The following DNER variants were observed in gnomAD, a reference collection of about 807,000 sequenced individuals.
DNER encodes the protein delta and Notch-like epidermal growth factor-related receptor.
In DNER, 33 loss-of-function variants were observed where a neutral mutation model predicts 78.2. That is an observed-to-expected ratio of 0.42 (90% CI 0.32 to 0.56). The LOEUF is 0.56. Ranked by LOEUF, DNER falls within the 20% of genes least tolerant of loss-of-function variation. DNER has a pLI of 0.11. For missense variants in DNER, 918 were observed against 975.3 expected (o/e 0.94, Z 0.78); for synonymous variants, 417 against 384.8 (o/e 1.08, Z -0.98).
chr2:229,429,130 G>T (rs1424968282), intron 8 of DNER, among the ~76,000 whole-genome samples: 1 of 152,158 alleles, frequency 6.6e-6, no homozygotes, highest in Non-Finnish European at 1.5e-5. Flanking sequence ...GAGCATATGG[G>T]GGCTGGGGGT....
At chr2:229,377,798 A>G (rs1288816697) in intron 11 of DNER, among the ~76,000 whole-genome samples, 1 of 152,222 alleles carries the variant, frequency 6.6e-6, no homozygotes, top group African/African-American at 2.4e-5. Flanking sequence ...TTTAAGAACA[A>G]AGAGAGAGGA....
chr2:229,551,508 C>A (rs541390217), intron 4 of DNER, among the ~76,000 whole-genome samples: 1 of 152,036 alleles, frequency 6.6e-6, no homozygotes, highest in Non-Finnish European at 1.5e-5. Context: ...ATGGTGAGCA[C>A]CTGTAATCCC....
intron 5 of DNER, 105 bp from the exon 6 acceptor site, chr2:229,513,041 G>A (rs1232266021): frequency 7.9e-7 from 1 of 1,264,408 alleles, no homozygotes; most frequent in African/African-American, 1.5e-5. Flanking sequence ...TTTATAATCA[G>A]CAATTTAATC....
chr2:229,570,264 C>T (rs1235977677), intron 4 of DNER, among the ~76,000 whole-genome samples: 3 of 152,160 alleles, frequency 2.0e-5, no homozygotes, highest in African/African-American at 7.2e-5. Flanking sequence ...GTAAGCAAAA[C>T]ACACAAAGTT....
intron 7 of DNER, among the ~76,000 whole-genome samples, chr2:229,463,919 C>T (rs2154210939): frequency 6.6e-6 from 1 of 152,278 alleles, no homozygotes; most frequent in South Asian, 2.1e-4. Context: ...TGGAATGATT[C>T]CAGCCTGGCA....
intron 10 of DNER, among the ~76,000 whole-genome samples, chr2:229,405,279 T>C (rs13432641): frequency 0.14 from 22,023 of 152,170 alleles, 2,271 homozygotes; most frequent in East Asian, 0.53. Context: ...AGGAAATAAA[T>C]GCTCCTGTGC....
intron 2 of DNER, 32 bp from the exon 3 acceptor site, chr2:229,588,520 TGGGGTTGTTTA>T (rs1267098000): frequency 6.3e-7 from 1 of 1,586,490 alleles, no homozygotes; most frequent in Non-Finnish European, 8.6e-7. Flanking sequence ...GACATATGAT[TGGGGTTGTTTA>T]TAGTATAACA....
intron 6 of DNER, among the ~76,000 whole-genome samples, chr2:229,503,440 A>ATAGTAG (rs1395914920): frequency 6.6e-6 from 1 of 152,232 alleles, no homozygotes; most frequent in Non-Finnish European, 1.5e-5. Flanking sequence ...AAAAGGAGAA[A>ATAGTAG]TAGTAGCTGA....
Position 229,703,351 on chromosome 2 carries a change from A to G in DNER, c.276+10797T>C, listed in dbSNP as rs545951617. Among the ~76,000 whole-genome samples, 2 of 152,360 alleles carry G rather than the reference A, an allele frequency of 1.3e-5. 1 individual carries two copies. Among genetic ancestry groups the G allele is most frequent in the South Asian group, 4.1e-4 (2 of 4,830 alleles). On this transcript the variant is annotated intron_variant, in intron 1 of 12. Transcript: ENST00000341772. ...TATTAGACATTTGTAAGCAAAAAAAAAGAACGAAAACTACCCATACATTGC... is the reference window on the plus strand; with the variant it reads ...TATTAGACATTTGTAAGCAAAAAAAGAGAACGAAAACTACCCATACATTGC...
intron 1 of DNER, among the ~76,000 whole-genome samples, chr2:229,646,479 A>C (rs1698721177): frequency 6.6e-6 from 1 of 152,248 alleles, no homozygotes; most frequent in Admixed American, 6.5e-5. Flanking sequence ...GACCAAGTAC[A>C]TTATGCTTGT....
intron 1 of DNER, among the ~76,000 whole-genome samples, chr2:229,612,530 C>T (rs915472149): frequency 3.3e-5 from 5 of 152,258 alleles, no homozygotes; most frequent in Non-Finnish European, 7.3e-5. Context: ...ACTGGCCCAG[C>T]TGTGCGTGAG....
intron 5 of DNER, among the ~76,000 whole-genome samples, chr2:229,541,856 T>A (rs570554953): frequency 0.015 from 2,168 of 145,756 alleles, 55 homozygotes; most frequent in African/African-American, 0.052. Context: ...ATATATGTGA[T>A]TATATATAAT....
Position 229,678,652 on chromosome 2 carries a change from G to A in DNER, c.276+35496C>T, listed in dbSNP as rs145365329. Among the ~76,000 whole-genome samples the A allele has an allele frequency of 1.8e-4, 28 of 152,184 alleles. No homozygotes were observed. The East Asian group carries it at 2.1e-3, about 12-fold the overall frequency. On this transcript the variant is annotated intron_variant, in intron 1 of 12. Coordinates refer to ENST00000341772, the MANE Select transcript of DNER (RefSeq NM_139072.4). ...CATTAGCATCAAATTCTCAGAACCC[G>A]CCCTATATGATCTCATGCATAATTC...
intron 1 of DNER, among the ~76,000 whole-genome samples, chr2:229,666,250 C>T (rs1309204463): frequency 3.3e-5 from 5 of 152,172 alleles, no homozygotes; most frequent in Admixed American, 2.6e-4. Context: ...TTGCAACCTA[C>T]GGGTGGTCAC....
intron 5 of DNER, among the ~76,000 whole-genome samples, chr2:229,545,850 C>T (rs1243288334): frequency 3.3e-5 from 5 of 152,196 alleles, no homozygotes; most frequent in Non-Finnish European, 7.3e-5. Flanking sequence ...TCGGTTTCTT[C>T]TCTTACTTTT....
intron 11 of DNER, among the ~76,000 whole-genome samples, chr2:229,379,639 T>C (rs1692689980): frequency 6.6e-6 from 1 of 152,228 alleles, no homozygotes; most frequent in South Asian, 2.1e-4. Context: ...TAGATATTAC[T>C]CTGCCCTAAA....
At chr2:229,551,908 G>A (rs1696750297) in intron 4 of DNER, among the ~76,000 whole-genome samples, 1 of 151,546 alleles carries the variant, frequency 6.6e-6, no homozygotes, top group Admixed American at 6.6e-5. Flanking sequence ...CTCCAGCTGG[G>A]TGACAGAGTG....
At chr2:229,503,553 A>C (rs1030538589) in intron 6 of DNER, among the ~76,000 whole-genome samples, 1 of 152,232 alleles carries the variant, frequency 6.6e-6, no homozygotes, top group Non-Finnish European at 1.5e-5. Flanking sequence ...CTTAAAGGGT[A>C]CAATACATGT....
chr2:229,599,488 A>G (rs1459712209), intron 1 of DNER, among the ~76,000 whole-genome samples: 1 of 152,236 alleles, frequency 6.6e-6, no homozygotes, highest in Non-Finnish European at 1.5e-5. Context: ...GTTTAGCAGC[A>G]TGCTGTGTCC....
Sources: gnomAD v4.1 joint callset for allele counts (sites outside exome capture counted in the v4.1 genomes callset) on GRCh38, gnomAD v4.1.1 for gene constraint, MANE v1.5 for transcripts, NCBI Gene and HGNC (gene_info 2026-07-23, HGNC 2026-07-21) for gene names.